DNAH11: variants seen among roughly 807,000 people sequenced by gnomAD.
DNAH11 encodes dynein axonemal heavy chain 11.
DNAH11 carries 442 observed loss-of-function variants against 526.0 expected under a neutral mutation model. That is an observed-to-expected ratio of 0.84 (90% CI 0.78 to 0.91). The LOEUF is 0.91. Ranked by LOEUF, DNAH11 falls within the 40% of genes least tolerant of loss-of-function variation. DNAH11 has a pLI of 0.00. For synonymous variants in DNAH11, 2,461 were observed against 1,935.9 expected (o/e 1.27, Z -7.12); for missense variants, 6,989 against 5,448.7 (o/e 1.28, Z -8.90).
intron 45 of DNAH11, among the ~76,000 whole-genome samples, chr7:21,728,294 G>C (rs1718620376): frequency 8.9e-6 from 1 of 112,298 alleles, no homozygotes; most frequent in Admixed American, 1.3e-4. Flanking sequence ...GTCTTACTCT[G>C]TTGCCCAGGC....
chr7:21,713,150 G>A (rs775156307), intron 42 of DNAH11, among the ~76,000 whole-genome samples: 15 of 152,102 alleles, frequency 9.9e-5, no homozygotes, highest in Admixed American at 2.0e-4. Flanking sequence ...CACCTCCAGC[G>A]TTTGCACTTC....
At chr7:21,819,723 A>T (rs367827673) in intron 65 of DNAH11, among the ~76,000 whole-genome samples, 3 of 152,328 alleles carry the variant, frequency 2.0e-5, no homozygotes, top group South Asian at 4.1e-4. Flanking sequence ...AAAGGCTGAT[A>T]AATTTGAGTC....
rs781418402 is a variant in DNAH11, at chr7:21,710,590, A to G, written c.6721A>G (p.Ile2241Val). ...TTATTTTATAGGTCTCTTCTCATCC[A>G]TTCTACGAGAACAAGCAAATCTTAA... is the stretch of plus-strand genomic sequence containing the variant. ...YSYFIGLFSSILREQANLKHD... is the reference protein window; with the variant it reads ...YSYFIGLFSSVLREQANLKHD... Residue 2241 changes from isoleucine to valine, a missense_variant, in exon 41 of 82, where the codon ATT becomes GTT. Ile to Val is a conservative substitution (Grantham distance 29). Transcript: ENST00000409508. 2 of 1,612,726 alleles carry G rather than the reference A, an allele frequency of 1.2e-6. No individual in the cohort carries two copies. The highest frequency in any genetic ancestry group is 2.2e-5 in the East Asian group (1 of 44,852).
intron 55 of DNAH11, among the ~76,000 whole-genome samples, chr7:21,769,915 G>A (rs1050378680): frequency 6.6e-6 from 1 of 152,180 alleles, no homozygotes; most frequent in East Asian, 1.9e-4. Context: ...GCTTCTGCTG[G>A]ACTTTGTCTT....
At chr7:21,590,528 G>C (rs954763232) in intron 12 of DNAH11, among the ~76,000 whole-genome samples, 2 of 152,242 alleles carry the variant, frequency 1.3e-5, no homozygotes, top group East Asian at 3.9e-4. Flanking sequence ...GCCTCACTGA[G>C]TTGGATAAGC....
In DNAH11 at chr7:21,868,045, C is replaced by T. The variant is rs1158754315; in HGVS notation, c.11839+38C>T. ...GAGGCTCGCTGGCCCGCCCCTTCTC[C>T]CTCCCTCCCTTTCACCCCCACCCCT... On this transcript the variant is annotated intron_variant, in intron 72 of 81. Coordinates refer to ENST00000409508, the MANE Select transcript of DNAH11 (RefSeq NM_001277115.2). 3.5e-6 allele frequency: 5 copies of T among 1,419,018 alleles called. No individual in the cohort carries two copies. The East Asian group carries it at 1.1e-4, about 30-fold the overall frequency. The allele number at this position is 1,419,018 out of a possible 1,614,324, so 87.9% of individuals were successfully genotyped here. A position where few individuals can be genotyped will look rare whatever the true frequency, so the allele number is the denominator to read the frequency against.
intron 30 of DNAH11, among the ~76,000 whole-genome samples, chr7:21,660,268 T>C (rs1277585265): frequency 3.9e-5 from 6 of 152,072 alleles, no homozygotes; most frequent in Admixed American, 2.6e-4. Flanking sequence ...TTATGACCAT[T>C]TTCATTATGC....
Position 21,598,781 on chromosome 7 carries a change from C to T in DNAH11, c.2668-1006C>T, listed in dbSNP as rs562514596. Among the ~76,000 whole-genome samples the T allele has an allele frequency of 2.0e-5, 3 of 152,266 alleles. No homozygotes were observed. The South Asian group carries it at 6.2e-4, about 32-fold the overall frequency. On this transcript the variant is annotated intron_variant, in intron 14 of 81. Transcript: ENST00000409508. Reference sequence around the variant, plus strand: ...AGATCCCAGTGTGTGTTGTGCCCCTCTATGTGTCCATGTGTTCTCATCATT... The same window carrying T: ...AGATCCCAGTGTGTGTTGTGCCCCTTTATGTGTCCATGTGTTCTCATCATT...
chr7:21,800,487 C>G (rs1157358593), intron 61 of DNAH11, among the ~76,000 whole-genome samples: 1 of 152,074 alleles, frequency 6.6e-6, no homozygotes, highest in Non-Finnish European at 1.5e-5. Context: ...CAAAAATTAG[C>G]CGGGTGTGGT....
At chr7:21,860,084 G>T (rs1266476577) in intron 68 of DNAH11, among the ~76,000 whole-genome samples, 1 of 152,024 alleles carries the variant, frequency 6.6e-6, no homozygotes, top group Non-Finnish European at 1.5e-5. Flanking sequence ...GAGGTGGGAG[G>T]GTTGCTTAGG....
At chr7:21,820,606 A>G (rs1158693021) in intron 65 of DNAH11, among the ~76,000 whole-genome samples, 1 of 152,072 alleles carries the variant, frequency 6.6e-6, no homozygotes, top group Non-Finnish European at 1.5e-5. Context: ...GGAGGAAGAG[A>G]GAAGGATGTG....
intron 61 of DNAH11, among the ~76,000 whole-genome samples, chr7:21,791,854 G>T (rs1788492092): frequency 6.6e-6 from 1 of 152,304 alleles, no homozygotes. Context: ...GGAATGGTTG[G>T]TGTGTTAGTC....
chr7:21,875,262 T>G (rs1048918594), intron 74 of DNAH11, among the ~76,000 whole-genome samples: 7 of 152,224 alleles, frequency 4.6e-5, no homozygotes, highest in African/African-American at 1.7e-4. Flanking sequence ...TTATGACATT[T>G]TCAAGCTATT....
chr7:21,563,616 A>G (rs1003216192), intron 5 of DNAH11, among the ~76,000 whole-genome samples: 2 of 152,216 alleles, frequency 1.3e-5, no homozygotes, highest in African/African-American at 4.8e-5. Context: ...TAGTACATTC[A>G]TGATGTTGTA....
chr7:21,604,722 A>G (rs1785216310), intron 18 of DNAH11, among the ~76,000 whole-genome samples: 1 of 152,218 alleles, frequency 6.6e-6, no homozygotes, highest in African/African-American at 2.4e-5. Context: ...ATCCCCAAAT[A>G]TAAAGCAGGT....
intron 55 of DNAH11, among the ~76,000 whole-genome samples, chr7:21,767,500 G>T (rs1787231905): frequency 6.6e-6 from 1 of 152,190 alleles, no homozygotes; most frequent in African/African-American, 2.4e-5. Flanking sequence ...GTTAAGTCCA[G>T]AGGGCTCCTG....
chr7:21,736,458 G>T (rs1278599756), intron 46 of DNAH11, among the ~76,000 whole-genome samples: 2 of 152,152 alleles, frequency 1.3e-5, no homozygotes, highest in East Asian at 3.8e-4. Flanking sequence ...AGGGGGCTCT[G>T]TTGGGGGGCA....
At chr7:21,614,291 A>G (rs1362295924) in intron 20 of DNAH11, among the ~76,000 whole-genome samples, 4 of 152,232 alleles carry the variant, frequency 2.6e-5, no homozygotes, top group Admixed American at 2.0e-4. Context: ...TTGCAAAGCC[A>G]GTAGTAACCT....
intron 25 of DNAH11, among the ~76,000 whole-genome samples, chr7:21,621,958 G>T (rs150206745): frequency 2.0e-5 from 3 of 152,138 alleles, no homozygotes; most frequent in Admixed American, 2.0e-4. Context: ...AGTGTTGGAA[G>T]TTCTGACCAG....
Sources: allele counts gnomAD v4.1 joint callset (sites outside exome capture counted in the v4.1 genomes callset), GRCh38; gene constraint gnomAD v4.1.1; transcripts MANE v1.5; gene names NCBI Gene and HGNC (gene_info 2026-07-23, HGNC 2026-07-21).